Variants in MRPS30 observed in about 807,000 individuals in gnomAD.
MRPS30 encodes large ribosomal subunit protein mL65.
MRPS30 carries 42 observed loss-of-function variants against 43.8 expected under a neutral mutation model. The observed-to-expected ratio is 0.96, with a 90% CI of 0.75 to 1.24. MRPS30 has a LOEUF of 1.24. Among genes scored for constraint, MRPS30 ranks in the 50% most tolerant of loss-of-function variants. MRPS30 has a pLI of 0.00. For missense variants in MRPS30, 638 were observed against 570.0 expected, an observed-to-expected ratio of 1.12 and a Z score of -1.22; for synonymous variants, 273 against 228.2, an observed-to-expected ratio of 1.20 and a Z score of -1.77.
chr5:44,813,079 C>T, intron 3 of MRPS30, 27 bp from the exon 4 acceptor site: 1 of 1,603,914 alleles, frequency 6.2e-7, no homozygotes, highest in Non-Finnish European at 8.5e-7. Flanking sequence ...TTTGTTTCAT[C>T]TGAAATGTTT....
At position 44,813,196 on chromosome 5, in the gene MRPS30, A is replaced by G. The variant is rs757109917; in HGVS notation, c.944A>G (p.Asn315Ser). 2 of 1,613,566 alleles carry G rather than the reference A, an allele frequency of 1.2e-6. No homozygotes were observed. The highest frequency in any genetic ancestry group is 1.7e-6 in the Non-Finnish European group (2 of 1,179,746). Residue 315 changes from asparagine (N) to serine (S), a missense_variant, in exon 4 of 5, where the codon AAC becomes AGC. Transcript: ENST00000507110. Reference sequence around the variant, plus strand: ...AGAAGGGAAAGGCTTTTGAGACAAAACTGTGCTGATCAGATAGAAGTTGTT... The same window carrying G: ...AGAAGGGAAAGGCTTTTGAGACAAAGCTGTGCTGATCAGATAGAAGTTGTT... ...KLRRERLLRQ[N>S]CADQIEVVFR...
At chr5:44,812,312 A>G (rs1299753458) in intron 3 of MRPS30, among the ~76,000 whole-genome samples, 2 of 152,198 alleles carry the variant, frequency 1.3e-5, no homozygotes, top group African/African-American at 2.4e-5. Flanking sequence ...TTTTAAAAGT[A>G]AAAACTTTTA....
chr5:44,811,222 A>G, intron 2 of MRPS30, 68 bp downstream of exon 2: 1 of 1,542,298 alleles, frequency 6.5e-7, no homozygotes, highest in Non-Finnish European at 8.9e-7. Flanking sequence ...CAGGTTGAGT[A>G]ATAGTCTTAG....
At chr5:44,813,741 A>T (rs1296699014) in intron 4 of MRPS30, 1 of 153,062 alleles carries the variant, frequency 6.5e-6, no homozygotes, top group African/African-American at 2.4e-5. Flanking sequence ...ACTCTGTTCA[A>T]GATGCAGTGT....
Position 44,809,003 on chromosome 5 carries a change from C to T in MRPS30, c.41C>T (p.Pro14Leu). 1 of 1,609,246 alleles carries T rather than the reference C, an allele frequency of 6.2e-7. No homozygotes were observed. The highest frequency in any genetic ancestry group is 8.5e-7 in the Non-Finnish European group (1 of 1,178,416). ...ARCWRPLLRG[P>L]RLSLHTAANA... The stretch of plus-strand genomic sequence containing the variant: ...TGTTGGAGGCCTTTGCTACGCGGTC[C>T]GAGGCTTTCATTGCACACCGCGGCT... Residue 14 changes from proline (P) to leucine (L), a missense_variant, in exon 1 of 5, where the codon CCG becomes CTG. Physicochemically the swap from Pro to Leu is moderately conservative, Grantham distance 98. Transcript: ENST00000507110.
At position 44,809,390 on chromosome 5, in the gene MRPS30, G is replaced by T. The variant is rs1742785725; in HGVS notation, c.428G>T (p.Arg143Leu). 2 of 1,609,830 alleles carry T rather than the reference G, an allele frequency of 1.2e-6. No individual in the cohort carries two copies. The highest frequency in any genetic ancestry group is 1.3e-5 in the African/African-American group (1 of 74,830). Reference sequence around the variant, plus strand: ...CCTGCGCTGGACCTCGCGGCGCTGCGTGCGGTCGCCTGCGACTGCCTGCTG... The same window carrying T: ...CCTGCGCTGGACCTCGCGGCGCTGCTTGCGGTCGCCTGCGACTGCCTGCTG... ...PEPALDLAAL[R>L]AVACDCLLQE... Residue 143 changes from arginine (R) to leucine (L), a missense_variant, in exon 1 of 5, where the codon CGT (arginine) becomes CTT (leucine). Arg to Leu is a moderately radical substitution (Grantham distance 102, BLOSUM62 -2). Transcript: ENST00000507110.
At position 44,809,557 on chromosome 5, in the gene MRPS30, G is replaced by A; in HGVS notation, c.595G>A (p.Ala199Thr). Residue 199 changes from alanine (A) to threonine (T), a missense_variant, in exon 1 of 5, where the codon GCC becomes ACC. Ala to Thr is a moderately conservative substitution (Grantham distance 58, BLOSUM62 0). Coordinates refer to ENST00000507110, the MANE Select transcript of MRPS30 (RefSeq NM_016640.4). ...ACACAACCCGGCCCTGGCCGCTGCC[G>A]CCCTCGGTGAGCCTTGGATTCCGCC... ...SPHNPALAAA[A>T]LDYRCPVHFY... The A allele has an allele frequency of 1.3e-6, 2 of 1,593,128 alleles. No homozygotes were observed. The highest frequency in any genetic ancestry group is 8.5e-7 in the Non-Finnish European group (1 of 1,170,032).
At position 44,809,168 on chromosome 5, in the gene MRPS30, C is replaced by T. The variant is rs1450017535; in HGVS notation, c.206C>T (p.Thr69Met). 6.2e-7 allele frequency: 1 copy of T among 1,611,996 alleles called. No individual in the cohort carries two copies. Among genetic ancestry groups the T allele is most frequent in the East Asian group, 2.2e-5 (1 of 44,824 alleles). ...CGGCGGATCGAGCGCTGGCAGGCGA[C>T]GGTGCACGCTGCGGAGTCGGTAGAC... ...RLRRIERWQA[T>M]VHAAESVDEK... The change falls in exon 1 of 5, where the codon ACG becomes ATG. Residue 69 changes from threonine (T) to methionine (M), a missense_variant. Transcript: ENST00000507110.
At chr5:44,814,883 T>C (rs1255438157) in intron 4 of MRPS30, 30 bp from the exon 5 acceptor site, 3 of 1,563,096 alleles carry the variant, frequency 1.9e-6, no homozygotes, top group Non-Finnish European at 2.6e-6. Context: ...ATATTCTATG[T>C]GTAAATTTCA....
chr5:44,813,120 G>A lies in MRPS30; in HGVS notation c.868G>A (p.Asp290Asn), dbSNP rs1320987411. ...NHIFVGSKTA[D>N]PCCYGHTQFH... ...TTGCTCTTCAGGCTCAAAAACTGCA[G>A]ATCCTTGCTGTTACGGTCACACCCA... Residue 290 changes from aspartate (D) to asparagine (N), a missense_variant, in exon 4 of 5, where the codon GAT becomes AAT. Transcript: ENST00000507110. The A allele has an allele frequency of 1.2e-6, 2 of 1,611,716 alleles. No individual in the cohort carries two copies. The highest frequency in any genetic ancestry group is 1.7e-6 in the Non-Finnish European group (2 of 1,179,250).
chr5:44,811,531 C>T (rs1742839367), intron 2 of MRPS30, among the ~76,000 whole-genome samples: 1 of 152,124 alleles, frequency 6.6e-6, no homozygotes, highest in African/African-American at 2.4e-5. Context: ...TACATATTTG[C>T]AGTTCTTTTG....
intron 2 of MRPS30, 71 bp downstream of exon 2, chr5:44,811,225 A>C (rs959112167): frequency 8.0e-6 from 12 of 1,499,702 alleles, no homozygotes; most frequent in Admixed American, 3.8e-5. Context: ...GTTGAGTAAT[A>C]GTCTTAGTAG....
chr5:44,809,646 ATTTC>A, intron 1 of MRPS30, 83 bp downstream of exon 1: 1 of 1,370,190 alleles, frequency 7.3e-7, no homozygotes, highest in Non-Finnish European at 9.9e-7. Flanking sequence ...ACCCCTCGTC[ATTTC>A]TTTCTCTCTG....
rs1035534694 is a variant in MRPS30 at position 44,815,426 on chromosome 5, A to G, written c.*224A>G. The G allele has an allele frequency of 1.7e-5, 7 of 412,002 alleles. No homozygotes were observed. The highest frequency in any genetic ancestry group is 2.6e-5 in the Non-Finnish European group (6 of 233,144). The allele number at this position is 412,002 out of a possible 1,614,324, so 25.5% of individuals were successfully genotyped here. On this transcript the variant is annotated 3_prime_UTR_variant, in exon 5 of 5. Transcript: ENST00000507110. ...AAAATAATTGCATTTGTATATTGCT[A>G]ACTGATAAGACAAATTGAGTTATTG...
rs1490051143 is a variant in MRPS30, at chr5:44,811,161, A to C, written c.747+7A>C. ...ATCCAAGCAACTCGCAGAGGTAAGG[A>C]TTTATTGCGATTATGTATCTATTGA... is the stretch of plus-strand genomic sequence containing the variant. On this transcript the variant is annotated splice_region_variant and intron_variant, in intron 2 of 4. Coordinates refer to ENST00000507110, the MANE Select transcript of MRPS30 (RefSeq NM_016640.4). The C allele has an allele frequency of 6.2e-7, 1 of 1,613,298 alleles. No homozygotes were observed. The highest frequency in any genetic ancestry group is 1.3e-5 in the African/African-American group (1 of 74,904).
Position 44,809,551 on chromosome 5 carries a change from G to T in MRPS30, c.589G>T (p.Ala197Ser), listed in dbSNP as rs750752336. ...LLSPHNPALA[A>S]AALDYRCPVH... ...CAGCCCACACAACCCGGCCCTGGCC[G>T]CTGCCGCCCTCGGTGAGCCTTGGAT... Residue 197 changes from alanine to serine, a missense_variant, in exon 1 of 5, where the codon GCT (alanine) becomes TCT (serine). By Grantham distance (99) the Ala-to-Ser change is moderately conservative (BLOSUM62 1). Coordinates refer to ENST00000507110, the MANE Select transcript of MRPS30 (RefSeq NM_016640.4). 9 of 1,596,532 alleles carry T rather than the reference G, an allele frequency of 5.6e-6. No individual in the cohort carries two copies. Among genetic ancestry groups the T allele is most frequent in the Non-Finnish European group, 7.7e-6 (9 of 1,171,656 alleles).
chr5:44,810,952 G>C (rs1742830012), intron 1 of MRPS30, 57 bp from the exon 2 acceptor site: 4 of 1,511,550 alleles, frequency 2.6e-6, no homozygotes, highest in Non-Finnish European at 3.6e-6. Flanking sequence ...TGTTCTAATA[G>C]TAACCAAATT....
At position 44,815,230 on chromosome 5, in the gene MRPS30, G is replaced by T; in HGVS notation, c.*28G>T. ...AAGCATATTTGATTGAGAACTGTGG[G>T]AATATTTAAATTTTACTGAAGGAAC... On this transcript the variant is annotated 3_prime_UTR_variant, in exon 5 of 5. Coordinates refer to ENST00000507110, the MANE Select transcript of MRPS30 (RefSeq NM_016640.4). The T allele has an allele frequency of 2.0e-6, 3 of 1,521,076 alleles. No homozygotes were observed. Among genetic ancestry groups the T allele is most frequent in the Non-Finnish European group, 2.6e-6 (3 of 1,139,908 alleles). 94.2% of individuals were successfully genotyped at this position (1,521,076 alleles called of 1,614,324 possible). A position where few individuals can be genotyped will look rare whatever the true frequency, so the allele number is the denominator to read the frequency against.
At chr5:44,810,312 C>T (rs1742817482) in intron 1 of MRPS30, among the ~76,000 whole-genome samples, 3 of 152,226 alleles carry the variant, frequency 2.0e-5, no homozygotes, top group Non-Finnish European at 4.4e-5. Flanking sequence ...AAACTTCAAA[C>T]TCCCATTCCA....
Sources: gnomAD v4.1 joint callset for allele counts (sites outside exome capture counted in the v4.1 genomes callset) on GRCh38, gnomAD v4.1.1 for gene constraint, MANE v1.5 for transcripts, NCBI Gene and HGNC (gene_info 2026-07-23, HGNC 2026-07-21) for gene names.